FLRT2: variants seen among roughly 807,000 people sequenced by gnomAD.
FLRT2 encodes leucine-rich repeat transmembrane protein FLRT2.
FLRT2 carries 15 observed loss-of-function variants against 40.0 expected under a neutral mutation model. The ratio of observed to expected loss-of-function variants is 0.38; its 90% CI spans 0.25 to 0.58. The LOEUF (loss-of-function observed/expected upper bound fraction) is 0.58. Among genes scored for constraint, FLRT2 ranks in the 20% least tolerant of loss-of-function variants. The pLI, the probability that FLRT2 is intolerant of heterozygous loss-of-function variation, is 0.71. For synonymous variants in FLRT2, 380 were observed against 336.8 expected, an observed-to-expected ratio of 1.13 and a Z score of -1.41; for missense variants, 726 against 840.0, an observed-to-expected ratio of 0.86 and a Z score of 1.68.
In FLRT2 at chr14:85,628,973, A is replaced by C. The variant is rs1396180690; in HGVS notation, c.*5476A>C. Reference sequence around the variant, plus strand: ...AGTGAAATGCGTTCTTAGCCAAATCAGGCAAATCTTCTCCCTCACTATGTC... The same window carrying C: ...AGTGAAATGCGTTCTTAGCCAAATCCGGCAAATCTTCTCCCTCACTATGTC... On this transcript the variant is annotated 3_prime_UTR_variant, in exon 2 of 2. Transcript: ENST00000330753. 6.6e-6 allele frequency: 1 copy of C among 152,214 alleles called. No individual in the cohort carries two copies. Among genetic ancestry groups the C allele is most frequent in the East Asian group, 1.9e-4 (1 of 5,188 alleles). The allele number at this position is 152,214 out of a possible 1,614,324, so 9.4% of individuals were successfully genotyped here.
chr14:85,587,105 A>AT (rs1891652775), intron 1 of FLRT2, among the ~76,000 whole-genome samples: 1 of 152,086 alleles, frequency 6.6e-6, no homozygotes, highest in Non-Finnish European at 1.5e-5. Flanking sequence ...AGGTATTGCA[A>AT]TTGCCCATTT....
rs1203818381 is a variant in FLRT2 at position 85,561,037 on chromosome 14, A to G, written c.-377+30503A>G. On this transcript the variant is annotated intron_variant, in intron 1 of 1. Transcript: ENST00000330753. ...GATAATTTTACCTTGTTAACGGCTC[A>G]CTGTCAGTATGTAGAGCACTACATT... 2.6e-5 allele frequency: 4 copies of G among 152,166 alleles called. No individual in the cohort carries two copies. In the East Asian group the frequency reaches 7.7e-4, roughly 29 times the overall value. The allele number at this position is 152,166 out of a possible 1,614,324, so 9.4% of individuals were successfully genotyped here.
intron 1 of FLRT2, among the ~76,000 whole-genome samples, chr14:85,585,461 A>T (rs1891573318): frequency 6.6e-6 from 1 of 152,176 alleles, no homozygotes; most frequent in Admixed American, 6.5e-5. Flanking sequence ...ATTTTAAAAA[A>T]TGTAAACCTT....
intron 1 of FLRT2, among the ~76,000 whole-genome samples, chr14:85,545,426 G>T (rs950388599): frequency 4.6e-5 from 7 of 152,070 alleles, no homozygotes; most frequent in African/African-American, 1.4e-4. Context: ...GTCTTAAAAG[G>T]GTAGATGGAC....
chr14:85,618,092 T>C (rs1410984919), intron 1 of FLRT2, among the ~76,000 whole-genome samples: 4 of 152,230 alleles, frequency 2.6e-5, no homozygotes, highest in Non-Finnish European at 5.9e-5. Context: ...ATTTACGATC[T>C]GGATGCATAA....
chr14:85,541,798 G>A (rs1888997568), intron 1 of FLRT2, among the ~76,000 whole-genome samples: 1 of 152,040 alleles, frequency 6.6e-6, no homozygotes, highest in Non-Finnish European at 1.5e-5. Context: ...CAATTAATGG[G>A]TTTATACCCA....
At position 85,594,432 on chromosome 14, in the gene FLRT2, C is replaced by T. The variant is rs953492848; in HGVS notation, c.-376-26707C>T. On this transcript the variant is annotated intron_variant, in intron 1 of 1. Transcript: ENST00000330753. Reference sequence around the variant, plus strand: ...GCCACTCCCAGAGATGTGTGTGTGCCGCTCCCTCATACCTGTAAGTCTCAA... The same window carrying T: ...GCCACTCCCAGAGATGTGTGTGTGCTGCTCCCTCATACCTGTAAGTCTCAA... 6.6e-5 allele frequency among the ~76,000 whole-genome samples: 10 copies of T among 152,004 alleles called. No individual in the cohort carries two copies. In the East Asian group the frequency reaches 1.4e-3, roughly 21 times the overall value.
rs373970003 is a variant in FLRT2 at position 85,650,074 on chromosome 14, A to G, written c.*26577A>G. ...TTATTCATTAAAAATTACAAATACA[A>G]TTGAAGCCCTTGAACCCCTCACCTG... On this transcript the variant is annotated 3_prime_UTR_variant, in exon 2 of 2. Coordinates refer to ENST00000330753, the MANE Select transcript of FLRT2 (RefSeq NM_013231.6). The G allele has an allele frequency of 2.6e-5, 4 of 152,168 alleles. No individual in the cohort carries two copies. Among genetic ancestry groups the G allele is most frequent in the African/African-American group, 4.8e-5 (2 of 41,572 alleles). The allele number at this position is 152,168 out of a possible 1,614,324, so 9.4% of individuals were successfully genotyped here. A position where few individuals can be genotyped will look rare whatever the true frequency, so the allele number is the denominator to read the frequency against.
At position 85,644,925 on chromosome 14, in the gene FLRT2, G is replaced by C. The variant is rs1478766872; in HGVS notation, c.*21428G>C. On this transcript the variant is annotated 3_prime_UTR_variant, in exon 2 of 2. Coordinates refer to ENST00000330753, the MANE Select transcript of FLRT2 (RefSeq NM_013231.6). The stretch of plus-strand genomic sequence containing the variant: ...TCTCGTAGGAGATTAATAGCGTAGA[G>C]CTCTGTGGTTCTGAAGCAAAATCAT... 6.6e-6 allele frequency: 1 copy of C among 151,846 alleles called. No homozygotes were observed. Among genetic ancestry groups the C allele is most frequent in the East Asian group, 1.9e-4 (1 of 5,156 alleles). The allele number at this position is 151,846 out of a possible 1,614,324, so 9.4% of individuals were successfully genotyped here.
At chr14:85,535,330 A>G (rs1186276762) in intron 1 of FLRT2, among the ~76,000 whole-genome samples, 1 of 146,980 alleles carries the variant, frequency 6.8e-6, no homozygotes, top group Non-Finnish European at 1.5e-5. Flanking sequence ...GACCTTAATA[A>G]ATATCCAATG....
In FLRT2 at chr14:85,649,888, C is replaced by T. The variant is rs567695471; in HGVS notation, c.*26391C>T. 6.6e-6 allele frequency: 1 copy of T among 151,978 alleles called. No homozygotes were observed. Among genetic ancestry groups the T allele is most frequent in the South Asian group, 2.1e-4 (1 of 4,818 alleles). The allele number at this position is 151,978 out of a possible 1,614,324, so 9.4% of individuals were successfully genotyped here. On this transcript the variant is annotated 3_prime_UTR_variant, in exon 2 of 2. Transcript: ENST00000330753. ...TTCTGAAGAATGAAGCATTTCTGTCCTAGGTGATTATAAAGTTTGTTGCTA... is the reference window on the plus strand; with the variant it reads ...TTCTGAAGAATGAAGCATTTCTGTCTTAGGTGATTATAAAGTTTGTTGCTA...
At chr14:85,609,760 A>T (rs1432381778) in intron 1 of FLRT2, among the ~76,000 whole-genome samples, 1 of 152,218 alleles carries the variant, frequency 6.6e-6, no homozygotes, top group African/African-American at 2.4e-5. Flanking sequence ...CTCAGGTGAG[A>T]CAGGGTCACC....
At chr14:85,588,494 C>T (rs1175946632) in intron 1 of FLRT2, among the ~76,000 whole-genome samples, 2 of 150,224 alleles carry the variant, frequency 1.3e-5, no homozygotes, top group African/African-American at 4.9e-5. Context: ...TTTTTGGGTA[C>T]ATAGTAGGTG....
chr14:85,572,273 G>A (rs1890925133), intron 1 of FLRT2, among the ~76,000 whole-genome samples: 1 of 152,028 alleles, frequency 6.6e-6, no homozygotes, highest in East Asian at 1.9e-4. Flanking sequence ...TTCCCAGACT[G>A]TTTTAACTCA....
chr14:85,622,884 T>C lies in FLRT2; in HGVS notation c.1370T>C (p.Met457Thr). 3.7e-6 allele frequency: 6 copies of C among 1,614,178 alleles called. No homozygotes were observed. Among genetic ancestry groups the C allele is most frequent in the Non-Finnish European group, 5.1e-6 (6 of 1,180,026 alleles). Residue 457 changes from methionine to threonine, a missense_variant, in exon 2 of 2, where the codon ATG (methionine) becomes ACG (threonine). By Grantham distance (81) the Met-to-Thr change is moderately conservative. Coordinates refer to ENST00000330753, the MANE Select transcript of FLRT2 (RefSeq NM_013231.6). Reference protein sequence around the residue: ...VMAYKLTWVKMGHSLVGGIVQ... With the variant: ...VMAYKLTWVKTGHSLVGGIVQ... ...GCATACAAACTCACATGGGTGAAAA[T>C]GGGCCACAGTTTAGTAGGGGGCATC...
rs1252708394 is a variant in FLRT2 at position 85,634,152 on chromosome 14, G to A, written c.*10655G>A. 5 of 152,110 alleles carry A rather than the reference G, an allele frequency of 3.3e-5. No individual in the cohort carries two copies. The highest frequency in any genetic ancestry group is 2.1e-4 in the South Asian group (1 of 4,828). 9.4% of individuals were successfully genotyped at this position (152,110 alleles called of 1,614,324 possible). A position where few individuals can be genotyped will look rare whatever the true frequency, so the allele number is the denominator to read the frequency against. ...AGTCTCAAAGCAATTCACTCACTACGGTCTGTATTAGCATTATTTTCCTTT... is the reference window on the plus strand; with the variant it reads ...AGTCTCAAAGCAATTCACTCACTACAGTCTGTATTAGCATTATTTTCCTTT... On this transcript the variant is annotated 3_prime_UTR_variant, in exon 2 of 2. Coordinates refer to ENST00000330753, the MANE Select transcript of FLRT2 (RefSeq NM_013231.6).
chr14:85,545,301 T>A (rs1368991183), intron 1 of FLRT2, among the ~76,000 whole-genome samples: 1 of 152,202 alleles, frequency 6.6e-6, no homozygotes, highest in Non-Finnish European at 1.5e-5. Flanking sequence ...ATCTAAACCT[T>A]GTACAGTAGG....
At chr14:85,592,280 C>T (rs61992730) in intron 1 of FLRT2, among the ~76,000 whole-genome samples, 50,076 of 151,948 alleles carry the variant, frequency 0.33, 8,640 homozygotes, top group Non-Finnish European at 0.38. Context: ...CGTTACATCC[C>T]GAAAACCACA....
rs143247709 is a variant in FLRT2, at chr14:85,622,255, C to T, written c.741C>T (p.Pro247=). 6 of 1,613,956 alleles carry T rather than the reference C, an allele frequency of 3.7e-6. No homozygotes were observed. In the African/African-American group the frequency reaches 6.7e-5, roughly 18 times the overall value. The change falls in exon 2 of 2, where the codon CCC becomes CCT. Residue 247 remains proline, a synonymous_variant. Transcript: ENST00000330753. The part of the protein sequence containing the change: ...IVRNSLSHPP[P]DLPGTHLIRL... ...GTAATTCGCTGTCCCACCCTCCTCCCGATCTCCCAGGTACGCATCTGATCA... is the reference window on the plus strand; with the variant it reads ...GTAATTCGCTGTCCCACCCTCCTCCTGATCTCCCAGGTACGCATCTGATCA...
Sources: allele counts gnomAD v4.1 joint callset (sites outside exome capture counted in the v4.1 genomes callset), GRCh38; gene constraint gnomAD v4.1.1; transcripts MANE v1.5; gene names NCBI Gene and HGNC (gene_info 2026-07-23, HGNC 2026-07-21).